The following CACNA2D3 variants were observed in gnomAD, a reference collection of about 807,000 sequenced individuals.
CACNA2D3 encodes the protein voltage-dependent calcium channel subunit alpha-2/delta-3.
A neutral mutation model predicts 160.6 loss-of-function variants in CACNA2D3; 60 were observed. The ratio of observed to expected loss-of-function variants is 0.37; its 90% confidence interval spans 0.30 to 0.46. The LOEUF (loss-of-function observed/expected upper bound fraction) is 0.46. Ranked by LOEUF, CACNA2D3 falls within the 20% of genes least tolerant of loss-of-function variation. CACNA2D3 has a pLI of 1.00. For missense variants in CACNA2D3, 1,205 were observed against 1,365.0 expected (o/e 0.88, Z 1.85); for synonymous variants, 558 against 492.9 (o/e 1.13, Z -1.75).
chr3:54,347,259 G>A (rs1698476059), intron 3 of CACNA2D3, among the ~76,000 whole-genome samples: 1 of 152,216 alleles, frequency 6.6e-6, no homozygotes, highest in Admixed American at 6.5e-5. Flanking sequence ...TCAGGCCATA[G>A]TTGGGAAAGC....
chr3:54,627,682 A>T, intron 9 of CACNA2D3, 105 bp from the exon 10 acceptor site: 1 of 730,446 alleles, frequency 1.4e-6, no homozygotes, highest in East Asian at 2.7e-5. Flanking sequence ...GACCGGTTGG[A>T]TCTGACAATC....
intron 13 of CACNA2D3, among the ~76,000 whole-genome samples, chr3:54,767,610 C>G (rs1351555172): frequency 4.6e-5 from 7 of 152,194 alleles, no homozygotes; most frequent in Admixed American, 2.6e-4. Context: ...ACACTCCCCA[C>G]TAAGAGGAGC....
intron 4 of CACNA2D3, among the ~76,000 whole-genome samples, chr3:54,453,384 C>A (rs537558462): frequency 2.8e-4 from 42 of 152,264 alleles, no homozygotes; most frequent in Admixed American, 2.4e-3. Context: ...CTGCAGAGAC[C>A]CAGTTTCCAA....
intron 14 of CACNA2D3, among the ~76,000 whole-genome samples, chr3:54,820,264 T>G (rs896229553): frequency 2.6e-5 from 4 of 152,194 alleles, no homozygotes; most frequent in Admixed American, 6.5e-5. Context: ...ACATACTTAT[T>G]TAAATCTCTT....
intron 5 of CACNA2D3, among the ~76,000 whole-genome samples, chr3:54,544,904 A>G (rs947637266): frequency 6.6e-6 from 1 of 152,254 alleles, no homozygotes; most frequent in Non-Finnish European, 1.5e-5. Context: ...CTGTTTAAAA[A>G]TAATCATCAA....
At chr3:54,464,790 G>C (rs140404759) in intron 4 of CACNA2D3, among the ~76,000 whole-genome samples, 1 of 152,168 alleles carries the variant, frequency 6.6e-6, no homozygotes, top group African/African-American at 2.4e-5. Context: ...ACTGTCCTGC[G>C]CCCACTGTCT....
At chr3:54,546,903 C>T (rs1327172783) in intron 5 of CACNA2D3, among the ~76,000 whole-genome samples, 1 of 152,168 alleles carries the variant, frequency 6.6e-6, no homozygotes, top group African/African-American at 2.4e-5. Context: ...AACATTTAGT[C>T]ATCCTGGTTA....
At position 54,286,045 on chromosome 3, in the gene CACNA2D3, G is replaced by T. The variant is rs564232210; in HGVS notation, c.205-34397G>T. 2.5e-3 allele frequency among the ~76,000 whole-genome samples: 374 copies of T among 152,344 alleles called. 3 individuals are homozygous for T. Among genetic ancestry groups the T allele is most frequent in the African/African-American group, 8.2e-3 (342 of 41,570 alleles). The stretch of plus-strand genomic sequence containing the variant: ...GCCTCTCCTCCTCCAAAGGAATGCA[G>T]CTCCTCACCAGCAACGGAACAAAGC... On this transcript the variant is annotated intron_variant, in intron 2 of 37. Transcript: ENST00000474759.
chr3:55,030,630 A>G (rs766086655), intron 35 of CACNA2D3, among the ~76,000 whole-genome samples: 1 of 152,224 alleles, frequency 6.6e-6, no homozygotes, highest in East Asian at 1.9e-4. Flanking sequence ...AATTGGGATT[A>G]AAACCTCTGG....
At chr3:54,818,923 C>T (rs148721706) in intron 14 of CACNA2D3, among the ~76,000 whole-genome samples, 151 of 152,268 alleles carry the variant, frequency 9.9e-4, no homozygotes, top group Non-Finnish European at 1.3e-3. Flanking sequence ...GGAGTTTGAA[C>T]GTAAACCTCA....
At chr3:54,956,252 T>C (rs1039913860) in intron 27 of CACNA2D3, among the ~76,000 whole-genome samples, 1 of 152,228 alleles carries the variant, frequency 6.6e-6, no homozygotes. Flanking sequence ...CCTTGCTGCA[T>C]GAGCAGACCC....
intron 9 of CACNA2D3, among the ~76,000 whole-genome samples, chr3:54,618,375 GCACACACACA>G (rs56788185): frequency 6.1e-5 from 7 of 115,512 alleles, no homozygotes; most frequent in Admixed American, 2.9e-4. Context: ...ATATATATAT[GCACACACACA>G]CACACACACA....
intron 11 of CACNA2D3, among the ~76,000 whole-genome samples, chr3:54,671,050 T>A (rs1361493790): frequency 6.6e-6 from 1 of 151,838 alleles, no homozygotes; most frequent in Non-Finnish European, 1.5e-5. Flanking sequence ...GGTTTACCAG[T>A]TGTAAACAAA....
chr3:54,665,674 CAG>C (rs1240850782), intron 11 of CACNA2D3, among the ~76,000 whole-genome samples: 4 of 151,802 alleles, frequency 2.6e-5, no homozygotes, highest in Non-Finnish European at 2.9e-5. Context: ...AGACTACTGA[CAG>C]GGGCCAAAGG....
rs1264858397 is a variant in CACNA2D3 at position 54,846,471 on chromosome 3, A to G, written c.1626+4A>G. ...GCATCCGGAACTCAGGCTGCTGGTA[A>G]GAGAAATTATGTACTTCTGCATTTC... On this transcript the variant is annotated splice_donor_region_variant and intron_variant, in intron 17 of 37. Coordinates refer to ENST00000474759, the MANE Select transcript of CACNA2D3 (RefSeq NM_018398.3). 1.3e-6 allele frequency: 2 copies of G among 1,571,534 alleles called. No homozygotes were observed. The highest frequency in any genetic ancestry group is 1.2e-5 in the South Asian group (1 of 86,612).
intron 5 of CACNA2D3, among the ~76,000 whole-genome samples, chr3:54,515,498 C>T (rs1182380839): frequency 1.3e-5 from 2 of 152,206 alleles, no homozygotes; most frequent in African/African-American, 4.8e-5. Flanking sequence ...CAGGTGCTAG[C>T]TTTCTCTGCT....
intron 2 of CACNA2D3, among the ~76,000 whole-genome samples, chr3:54,307,697 G>T (rs1340862712): frequency 6.6e-6 from 1 of 152,180 alleles, no homozygotes; most frequent in African/African-American, 2.4e-5. Context: ...TTTTGGCCCT[G>T]TAACTACAGA....
chr3:54,464,632 G>C (rs1298778161), intron 4 of CACNA2D3, among the ~76,000 whole-genome samples: 1 of 152,216 alleles, frequency 6.6e-6, no homozygotes, highest in Non-Finnish European at 1.5e-5. Context: ...TCGGAAAAGG[G>C]CAGTATTAGG....
chr3:54,756,927 C>T (rs1172440128), intron 12 of CACNA2D3, among the ~76,000 whole-genome samples: 1 of 152,124 alleles, frequency 6.6e-6, no homozygotes, highest in East Asian at 1.9e-4. Context: ...TAAGTAGGTC[C>T]TGTCTTGAGG....
Sources: gnomAD v4.1 joint callset for allele counts (sites outside exome capture counted in the v4.1 genomes callset) on GRCh38, gnomAD v4.1.1 for gene constraint, MANE v1.5 for transcripts, NCBI Gene and HGNC (gene_info 2026-07-23, HGNC 2026-07-21) for gene names.